The following TNRC18 variants were observed in gnomAD, a reference collection of about 807,000 sequenced individuals.
TNRC18 encodes trinucleotide repeat containing 18.
A neutral mutation model predicts 226.7 loss-of-function variants in TNRC18; 69 were observed. The ratio of observed to expected loss-of-function variants is 0.30; its 90% confidence interval spans 0.25 to 0.37. The LOEUF (loss-of-function observed/expected upper bound fraction) is 0.37. Among genes scored for constraint, TNRC18 ranks in the 10% least tolerant of loss-of-function variants. The probability of loss-of-function intolerance (pLI) is 1.00; values close to 1 mark genes in which losing one functional copy is unlikely to be tolerated. For missense variants in TNRC18, 4,754 were observed against 4,256.6 expected, an observed-to-expected ratio of 1.12 and a Z score of -3.25; for synonymous variants, 2,449 against 1,927.6, an observed-to-expected ratio of 1.27 and a Z score of -7.09.
chr7:5,362,521 A>T (rs2128162116), intron 12 of TNRC18, 129 bp downstream of exon 12: 3 of 841,278 alleles, frequency 3.6e-6, no homozygotes, highest in South Asian at 3.7e-5. Context: ...CAGCACAAGG[A>T]GCTGAACGTA....
intron 2 of TNRC18, among the ~76,000 whole-genome samples, chr7:5,415,342 T>C (rs1478459513): frequency 1.3e-5 from 2 of 150,858 alleles, no homozygotes; most frequent in African/African-American, 2.5e-5. Context: ...CCTTTACCAT[T>C]TTGTTTACTG....
At chr7:5,344,103 C>T (rs1562519869) in intron 18 of TNRC18, among the ~76,000 whole-genome samples, 1 of 152,182 alleles carries the variant, frequency 6.6e-6, no homozygotes, top group Non-Finnish European at 1.5e-5. Context: ...TAATTTGGAC[C>T]ATATGCCAAT....
Position 5,324,165 on chromosome 7 carries a change from G to C in TNRC18, c.6442+49C>G, listed in dbSNP as rs759963814. On this transcript the variant is annotated intron_variant, in intron 21 of 29. Coordinates refer to ENST00000430969, the MANE Select transcript of TNRC18 (RefSeq NM_001080495.3). The surrounding 1 kb of genome is among the most constrained non-coding windows in gnomAD (Gnocchi z 4.8). ...CTTGCTCAGATCTGCCTCCCCCAAG[G>C]GAGGCTCCAGCAGCCCCGCCCGGCA... The C allele has an allele frequency of 1.9e-6, 3 of 1,542,570 alleles. No individual in the cohort carries two copies. In the East Asian group the frequency reaches 7.3e-5, roughly 37 times the overall value.
rs1330080895 is a variant in TNRC18, at chr7:5,394,970, C to T, written c.188-375G>A. 6.6e-6 allele frequency among the ~76,000 whole-genome samples: 1 copy of T among 152,202 alleles called. No homozygotes were observed. The highest frequency in any genetic ancestry group is 1.5e-5 in the Non-Finnish European group (1 of 68,034). Reference sequence around the variant, plus strand: ...GTGGAATCCTGAAGTCGGTGGCGCACTGGGACTTCCAGAGGCCACAGGGCA... The same window carrying T: ...GTGGAATCCTGAAGTCGGTGGCGCATTGGGACTTCCAGAGGCCACAGGGCA... On this transcript the variant is annotated intron_variant, in intron 2 of 29. Coordinates refer to ENST00000430969, the MANE Select transcript of TNRC18 (RefSeq NM_001080495.3). This position sits in a 1 kb window ranked among gnomAD's most constrained non-coding sequence, Gnocchi z 4.5.
rs193249088 is a variant in TNRC18 at position 5,307,762 on chromosome 7, C to G, written c.*344G>C. ...CCCAGTCTGCATGGACCTGGGGGCA[C>G]CCGGGCCCCCACGCAGCAGCAGCCT... On this transcript the variant is annotated 3_prime_UTR_variant, in exon 30 of 30. Transcript: ENST00000430969. The G allele has an allele frequency of 1.1e-5, 4 of 379,894 alleles. No homozygotes were observed. Among genetic ancestry groups the G allele is most frequent in the African/African-American group, 8.3e-5 (4 of 48,106 alleles). The allele number at this position is 379,894 out of a possible 1,614,324, so 23.5% of individuals were successfully genotyped here. A position where few individuals can be genotyped will look rare whatever the true frequency, so the allele number is the denominator to read the frequency against.
At chr7:5,418,993 G>A (rs576601407) in intron 2 of TNRC18, among the ~76,000 whole-genome samples, 1 of 152,338 alleles carries the variant, frequency 6.6e-6, no homozygotes, top group East Asian at 1.9e-4. Flanking sequence ...TGAGCACGGG[G>A]TTCAAGGGGG....
chr7:5,319,269 T>C (rs542211225), intron 24 of TNRC18, among the ~76,000 whole-genome samples: 11 of 152,332 alleles, frequency 7.2e-5, no homozygotes, highest in East Asian at 1.9e-4. Context: ...TGAGCTGGCA[T>C]TGGCTTCCAT....
At chr7:5,326,890 C>G (rs1165319736) in intron 19 of TNRC18, among the ~76,000 whole-genome samples, 1 of 151,658 alleles carries the variant, frequency 6.6e-6, no homozygotes, top group East Asian at 1.9e-4. Flanking sequence ...TTTGGGAGGC[C>G]GAGGCGGGCG....
chr7:5,409,375 G>A (rs1174811999), intron 2 of TNRC18, among the ~76,000 whole-genome samples: 2 of 151,790 alleles, frequency 1.3e-5, no homozygotes, highest in African/African-American at 4.8e-5. Flanking sequence ...AGCAAACTCA[G>A]GTTATAAGAG....
intron 5 of TNRC18, among the ~76,000 whole-genome samples, chr7:5,385,594 G>C (rs144386547): frequency 0.019 from 2,931 of 151,810 alleles, 122 homozygotes; most frequent in African/African-American, 0.068. Flanking sequence ...TGAGGCCGGA[G>C]AATCACTTGA....
Position 5,334,357 on chromosome 7 carries a change from C to T in TNRC18, c.5720-1308G>A, listed in dbSNP as rs56815795. On this transcript the variant is annotated intron_variant, in intron 18 of 29. Coordinates refer to ENST00000430969, the MANE Select transcript of TNRC18 (RefSeq NM_001080495.3). The stretch of plus-strand genomic sequence containing the variant: ...TGTCGCCCAGGCTGGAGTGCAGTGG[C>T]GTGATCTCGGCTCACTGCAAGCTCC... 3.2e-3 allele frequency among the ~76,000 whole-genome samples: 484 copies of T among 151,574 alleles called. 4 individuals are homozygous for T. Among genetic ancestry groups the T allele is most frequent in the African/African-American group, 0.011 (461 of 41,278 alleles).
At chr7:5,356,603 G>A (rs1792416796) in intron 16 of TNRC18, among the ~76,000 whole-genome samples, 1 of 152,210 alleles carries the variant, frequency 6.6e-6, no homozygotes, top group Non-Finnish European at 1.5e-5. Flanking sequence ...ATGACATCCG[G>A]TAGGCAAATG....
chr7:5,382,604 G>A (rs973753464), intron 5 of TNRC18, among the ~76,000 whole-genome samples: 2 of 152,060 alleles, frequency 1.3e-5, no homozygotes, highest in African/African-American at 2.4e-5. Context: ...ACACCATGGC[G>A]TACACCCGGC....
At chr7:5,420,917 G>A (rs1331790829) in intron 2 of TNRC18, 143 bp downstream of exon 2, 4 of 1,053,134 alleles carry the variant, frequency 3.8e-6, no homozygotes, top group Non-Finnish European at 4.3e-6. Flanking sequence ...GAGTTTCCCA[G>A]CCCTGGGAGC....
chr7:5,332,497 G>T, intron 19 of TNRC18, 125 bp downstream of exon 19: 1 of 1,114,164 alleles, frequency 9.0e-7, no homozygotes, highest in Non-Finnish European at 1.2e-6. Flanking sequence ...CTCCGGGCGG[G>T]CCTGGAGCCG....
At position 5,387,968 on chromosome 7, in the gene TNRC18, A is replaced by G. The variant is rs1176029975; in HGVS notation, c.1856T>C (p.Met619Thr). 1.3e-6 allele frequency: 2 copies of G among 1,596,650 alleles called. No individual in the cohort carries two copies. The highest frequency in any genetic ancestry group is 1.7e-5 in the Admixed American group (1 of 57,538). The change falls in exon 5 of 30, where the codon ATG becomes ACG. Residue 619 changes from methionine to threonine, a missense_variant. Coordinates refer to ENST00000430969, the MANE Select transcript of TNRC18 (RefSeq NM_001080495.3). ...AGAGGTGGGCGCAGGCTCGGGTTTC[A>G]TGGTGCCCAAACCTCCAAAGGGGCT... ...KKSPFGGLGT[M>T]KPEPAPTSAG...
In TNRC18 at chr7:5,345,475, G is replaced by A. The variant is rs1791082180; in HGVS notation, c.5719+87C>T. The A allele has an allele frequency of 4.6e-6, 6 of 1,302,634 alleles. No individual in the cohort carries two copies. In the South Asian group the frequency reaches 5.9e-5, roughly 13 times the overall value. 80.7% of individuals were successfully genotyped at this position (1,302,634 alleles called of 1,614,324 possible). A position where few individuals can be genotyped will look rare whatever the true frequency, so the allele number is the denominator to read the frequency against. The stretch of plus-strand genomic sequence containing the variant: ...TTCCCAGCTCTGCACCTGCATCTCT[G>A]AGCCTCAGTTTCCTCACCTGTGGGA... On this transcript the variant is annotated intron_variant, in intron 18 of 29. Coordinates refer to ENST00000430969, the MANE Select transcript of TNRC18 (RefSeq NM_001080495.3).
At chr7:5,392,206 G>A (rs996751527) in intron 3 of TNRC18, among the ~76,000 whole-genome samples, 4 of 152,142 alleles carry the variant, frequency 2.6e-5, no homozygotes, top group African/African-American at 9.6e-5. Flanking sequence ...GCTCATGCCT[G>A]TAATCCCAGC....
intron 11 of TNRC18, 137 bp downstream of exon 11, chr7:5,370,238 A>C: frequency 9.7e-7 from 1 of 1,035,376 alleles, no homozygotes; most frequent in East Asian, 2.6e-5. Context: ...AGGGAAGATC[A>C]CTTGAGCCCA....
Sources: allele counts gnomAD v4.1 joint callset (sites outside exome capture counted in the v4.1 genomes callset), GRCh38; gene constraint gnomAD v4.1.1; non-coding constraint Gnocchi (gnomAD v3.1); transcripts MANE v1.5; gene names NCBI Gene and HGNC (gene_info 2026-07-23, HGNC 2026-07-21).